Variants in ANXA8 observed in about 807,000 individuals in gnomAD.
ANXA8 encodes VAC-beta.
Under a neutral mutation model 26.8 loss-of-function variants are expected in ANXA8, and 9 were observed. The observed-to-expected ratio is 0.34, with a 90% CI of 0.20 to 0.59. The LOEUF (loss-of-function observed/expected upper bound fraction) is 0.59. Among genes scored for constraint, ANXA8 ranks in the 20% least tolerant of loss-of-function variants. ANXA8 has a pLI of 0.84. For synonymous variants in ANXA8, 39 were observed against 94.8 expected, an observed-to-expected ratio of 0.41 and a Z score of 3.42; for missense variants, 83 against 238.5, an observed-to-expected ratio of 0.35 and a Z score of 4.29.
At chr10:47,648,003 T>C in the ANXA8 span, among the ~76,000 whole-genome samples, 1 of 151,802 alleles carries the variant, frequency 6.6e-6, no homozygotes. Flanking sequence ...AAACTCAGAG[T>C]AAAAGCCTTC....
At chr10:47,776,126 A>G in the ANXA8 span, among the ~76,000 whole-genome samples, 4 of 152,024 alleles carry the variant, frequency 2.6e-5, no homozygotes, top group African/African-American at 7.2e-5. Context: ...GGGAAGCTCC[A>G]TGAAGAGAGG....
intron 11 of ANXA8, 110 bp from the exon 12 acceptor site, chr10:47,469,016 C>G (rs1243317858): frequency 2.1e-6 from 3 of 1,459,938 alleles, no homozygotes; most frequent in African/African-American, 2.9e-5. Flanking sequence ...GCACCTGGCC[C>G]GGCCCTCCAG....
At chr10:47,547,438 A>G in the ANXA8 span, among the ~76,000 whole-genome samples, 2 of 128,678 alleles carry the variant, frequency 1.6e-5, no homozygotes, top group Admixed American at 1.7e-4. Context: ...ATACATATAC[A>G]TATACATATA....
the ANXA8 span, among the ~76,000 whole-genome samples, chr10:47,585,764 C>T: frequency 3.1e-5 from 1 of 32,726 alleles, no homozygotes; most frequent in African/African-American, 2.1e-4. Flanking sequence ...TTTCTTTTAA[C>T]TTGGTCTCAA....
At chr10:47,521,926 A>G in the ANXA8 span, among the ~76,000 whole-genome samples, 1 of 149,972 alleles carries the variant, frequency 6.7e-6, no homozygotes, top group Non-Finnish European at 1.5e-5. Context: ...AACTACAGTC[A>G]TGCGCCACTA....
At chr10:47,671,772 G>A in the ANXA8 span, among the ~76,000 whole-genome samples, 10 of 151,820 alleles carry the variant, frequency 6.6e-5, no homozygotes, top group African/African-American at 2.4e-4. Context: ...TAACTATATT[G>A]CTTTATGTGG....
At chr10:47,633,801 C>T in the ANXA8 span, among the ~76,000 whole-genome samples, 2 of 150,270 alleles carry the variant, frequency 1.3e-5, no homozygotes, top group African/African-American at 5.0e-5. Context: ...TAACAAGATC[C>T]TACCCCCTGA....
At chr10:47,962,186 A>ACTG in the ANXA8 span, among the ~76,000 whole-genome samples, 1 of 74,954 alleles carries the variant, frequency 1.3e-5, no homozygotes, top group African/African-American at 4.1e-5. Flanking sequence ...CTTCAGGTGC[A>ACTG]CTGCTCTGTG....
At chr10:47,618,324 TA>T in the ANXA8 span, among the ~76,000 whole-genome samples, 1 of 110,514 alleles carries the variant, frequency 9.0e-6, no homozygotes, top group Non-Finnish European at 2.0e-5. Context: ...GAAAACCTCC[TA>T]AAAACTTTAT....
At chr10:47,585,783 TAA>T in the ANXA8 span, among the ~76,000 whole-genome samples, 2 of 47,126 alleles carry the variant, frequency 4.2e-5, no homozygotes, top group Non-Finnish European at 3.8e-5. Context: ...AATTTTTTTG[TAA>T]AAAAAAAAAA....
chr10:47,566,303 C>G, the ANXA8 span, among the ~76,000 whole-genome samples: 3 of 151,060 alleles, frequency 2.0e-5, no homozygotes, highest in Non-Finnish European at 4.4e-5. Flanking sequence ...TGGGGCCCCT[C>G]CCTGATCCCC....
chr10:47,900,984 T>C, the ANXA8 span, among the ~76,000 whole-genome samples: 93,523 of 124,820 alleles, frequency 0.75, 33,329 homozygotes, highest in African/African-American at 0.85. Flanking sequence ...TCAAATTATA[T>C]TGGAGGAAAA....
the ANXA8 span, among the ~76,000 whole-genome samples, chr10:47,734,960 A>G: frequency 2.4e-5 from 3 of 124,594 alleles, no homozygotes; most frequent in South Asian, 2.3e-4. Context: ...TGGAGCTTGC[A>G]GTGAGCTGAG....
At chr10:47,489,333 T>C in the ANXA8 span, among the ~76,000 whole-genome samples, 1 of 148,840 alleles carries the variant, frequency 6.7e-6, no homozygotes, top group African/African-American at 2.5e-5. Flanking sequence ...AAATGTTTTG[T>C]CCCAGTGTGC....
At chr10:47,512,957 T>TTG in the ANXA8 span, among the ~76,000 whole-genome samples, 1 of 123,406 alleles carries the variant, frequency 8.1e-6, no homozygotes, top group Non-Finnish European at 1.6e-5. Flanking sequence ...TTATGTGGTG[T>TTG]ATCACATTTA....
chr10:47,955,041 G>A, the ANXA8 span, among the ~76,000 whole-genome samples: 3 of 146,562 alleles, frequency 2.0e-5, no homozygotes, highest in African/African-American at 7.6e-5. Flanking sequence ...CCCATGTGTT[G>A]TGGGAGGGAC....
chr10:47,664,337 C>A, the ANXA8 span, among the ~76,000 whole-genome samples: 1 of 152,030 alleles, frequency 6.6e-6, no homozygotes, highest in African/African-American at 2.4e-5. Flanking sequence ...GAGAATGTGC[C>A]ATTGCACTCC....
the ANXA8 span, among the ~76,000 whole-genome samples, chr10:47,937,418 A>G: frequency 8.1e-3 from 1,210 of 149,214 alleles, 37 homozygotes; most frequent in African/African-American, 0.027. Context: ...AGTTAATTTA[A>G]GTTTTAAAAT....
At chr10:47,627,702 A>G in the ANXA8 span, among the ~76,000 whole-genome samples, 1 of 150,088 alleles carries the variant, frequency 6.7e-6, no homozygotes, top group Non-Finnish European at 1.5e-5. Flanking sequence ...TGATAATTGC[A>G]AAGATGCCAG....
Sources: allele counts gnomAD v4.1 joint callset (sites outside exome capture counted in the v4.1 genomes callset), GRCh38; gene constraint gnomAD v4.1.1; transcripts MANE v1.5; gene names NCBI Gene and HGNC (gene_info 2026-07-23, HGNC 2026-07-21).